Variants in ERO1A observed in about 807,000 individuals in gnomAD.
ERO1A encodes the protein endoplasmic reticulum oxidoreductase 1 alpha.
ERO1A carries 49 observed loss-of-function variants against 76.9 expected under a neutral mutation model. That is an observed-to-expected ratio of 0.64 (90% CI 0.51 to 0.81). The LOEUF is 0.81. Among genes scored for constraint, ERO1A ranks in the 30% least tolerant of loss-of-function variants. The probability of loss-of-function intolerance (pLI) is 0.00; values close to 1 mark genes in which losing one functional copy is unlikely to be tolerated. For synonymous variants in ERO1A, 174 were observed against 181.2 expected (o/e 0.96, Z 0.32); for missense variants, 448 against 542.1 (o/e 0.83, Z 1.72).
At chr14:52,684,118 GACACAC>G (rs60355765) in intron 1 of ERO1A, among the ~76,000 whole-genome samples, 12 of 134,638 alleles carry the variant, frequency 8.9e-5, no homozygotes, top group African/African-American at 2.7e-4. Flanking sequence ...CAGAGCTCAT[GACACAC>G]ACACACACAC....
chr14:52,681,277 C>G (rs1363894720), intron 3 of ERO1A, among the ~76,000 whole-genome samples: 1 of 152,136 alleles, frequency 6.6e-6, no homozygotes, highest in East Asian at 1.9e-4. Flanking sequence ...TATAGGCATA[C>G]AGTGGAATGT....
At chr14:52,671,940 G>T in intron 4 of ERO1A, 69 bp from the exon 5 acceptor site, 1 of 1,021,626 alleles carries the variant, frequency 9.8e-7, no homozygotes, top group Non-Finnish European at 1.5e-6. Context: ...AAATTTAGAA[G>T]TTATCTGAAG....
chr14:52,666,556 C>T, intron 6 of ERO1A, 61 bp from the exon 7 acceptor site: 1 of 1,418,766 alleles, frequency 7.0e-7, no homozygotes, highest in East Asian at 2.4e-5. Context: ...AAAGCTACTA[C>T]ACAAGACTGT....
intron 15 of ERO1A, among the ~76,000 whole-genome samples, chr14:52,645,168 T>A (rs2039604265): frequency 6.6e-6 from 1 of 152,046 alleles, no homozygotes; most frequent in African/African-American, 2.4e-5. Context: ...ACAACATGAT[T>A]TTTCTACCAC....
Position 52,661,200 on chromosome 14 carries a change from T to C in ERO1A, c.688+93A>G, listed in dbSNP as rs1295714598. The C allele has an allele frequency of 2.9e-5, 13 of 451,462 alleles. No individual in the cohort carries two copies. In the East Asian group the frequency reaches 4.2e-4, roughly 15 times the overall value. 28.0% of individuals were successfully genotyped at this position (451,462 alleles called of 1,614,324 possible). On this transcript the variant is annotated intron_variant, in intron 9 of 15. Coordinates refer to ENST00000395686, the MANE Select transcript of ERO1A (RefSeq NM_014584.3). ...GTAAAACTTAAGTTCTTCTGATTTT[T>C]AGAGGTGAGAAGAAAAAAATAAACT...
rs1450358604 is a variant in ERO1A at position 52,639,986 on chromosome 14, A to G, written c.*3584T>C. On this transcript the variant is annotated 3_prime_UTR_variant, in exon 16 of 16. Coordinates refer to ENST00000395686, the MANE Select transcript of ERO1A (RefSeq NM_014584.3). The stretch of plus-strand genomic sequence containing the variant: ...TTGGGACTCTACTGACCCTTGCTGT[A>G]AAGTGAAGGGAGTGAAAGTATTTGG... 6.6e-6 allele frequency: 1 copy of G among 152,216 alleles called. No homozygotes were observed. The highest frequency in any genetic ancestry group is 1.9e-4 in the East Asian group (1 of 5,200). The allele number at this position is 152,216 out of a possible 1,614,324, so 9.4% of individuals were successfully genotyped here.
chr14:52,658,915 T>C (rs1005709848), intron 9 of ERO1A, among the ~76,000 whole-genome samples: 1 of 152,186 alleles, frequency 6.6e-6, no homozygotes, highest in African/African-American at 2.4e-5. Flanking sequence ...GCTACAGAGA[T>C]GATAAACACT....
intron 10 of ERO1A, 31 bp downstream of exon 10, chr14:52,658,093 C>T (rs959555429): frequency 7.3e-6 from 11 of 1,500,442 alleles, no homozygotes; most frequent in Admixed American, 5.6e-5. Context: ...AAAAAACCAT[C>T]ATTGAAATTT....
At chr14:52,694,057 C>T (rs183182430) in intron 1 of ERO1A, among the ~76,000 whole-genome samples, 142 of 152,238 alleles carry the variant, frequency 9.3e-4, no homozygotes, top group Admixed American at 3.5e-3. Flanking sequence ...TCAACATGTA[C>T]TTTTATTCCA....
rs2039899044 is a variant in ERO1A at position 52,652,324 on chromosome 14, G to C, written c.1056-16C>G. Reference sequence around the variant, plus strand: ...AGGAAATGACCTGCGTTTTAAAACAGAGAATATTCATTTTCATGTGTTATA... The same window carrying C: ...AGGAAATGACCTGCGTTTTAAAACACAGAATATTCATTTTCATGTGTTATA... On this transcript the variant is annotated splice_polypyrimidine_tract_variant and intron_variant, in intron 12 of 15. Coordinates refer to ENST00000395686, the MANE Select transcript of ERO1A (RefSeq NM_014584.3). 1 of 1,554,650 alleles carries C rather than the reference G, an allele frequency of 6.4e-7. No individual in the cohort carries two copies. Among genetic ancestry groups the C allele is most frequent in the African/African-American group, 1.4e-5 (1 of 73,694 alleles).
chr14:52,651,794 T>C (rs529094179), intron 13 of ERO1A, among the ~76,000 whole-genome samples: 1 of 152,266 alleles, frequency 6.6e-6, no homozygotes, highest in South Asian at 2.1e-4. Flanking sequence ...ATTTTTTGTA[T>C]AGTGGAAACC....
intron 1 of ERO1A, among the ~76,000 whole-genome samples, chr14:52,691,961 T>C (rs1220333744): frequency 6.6e-6 from 1 of 152,198 alleles, no homozygotes; most frequent in East Asian, 1.9e-4. Context: ...ACTTACAACA[T>C]ACAGTGAAAA....
chr14:52,679,071 C>CT (rs1337113517), intron 3 of ERO1A, among the ~76,000 whole-genome samples: 1 of 152,176 alleles, frequency 6.6e-6, no homozygotes, highest in Non-Finnish European at 1.5e-5. Flanking sequence ...GATATGACAG[C>CT]TCCCTTTTTG....
chr14:52,680,479 G>T (rs909420781), intron 3 of ERO1A, among the ~76,000 whole-genome samples: 4 of 152,110 alleles, frequency 2.6e-5, no homozygotes, highest in African/African-American at 9.7e-5. Context: ...GGTATCTCAA[G>T]ATGAGATTTG....
At chr14:52,680,412 C>G (rs1490819332) in intron 3 of ERO1A, among the ~76,000 whole-genome samples, 2 of 150,672 alleles carry the variant, frequency 1.3e-5, no homozygotes, top group Non-Finnish European at 3.0e-5. Flanking sequence ...CTCCAATCTT[C>G]TTTTCCAAAT....
At position 52,640,973 on chromosome 14, in the gene ERO1A, G is replaced by A. The variant is rs570441389; in HGVS notation, c.*2597C>T. On this transcript the variant is annotated 3_prime_UTR_variant, in exon 16 of 16. Coordinates refer to ENST00000395686, the MANE Select transcript of ERO1A (RefSeq NM_014584.3). ...TTAAAATTACCCAAGCGTGAGAAGT[G>A]GTGTTGTGATTAAGAGAGAAAAAAA... 6.6e-6 allele frequency: 1 copy of A among 151,928 alleles called. No homozygotes were observed. Among genetic ancestry groups the A allele is most frequent in the Admixed American group, 6.6e-5 (1 of 15,256 alleles). The allele number at this position is 151,928 out of a possible 1,614,324, so 9.4% of individuals were successfully genotyped here. A position where few individuals can be genotyped will look rare whatever the true frequency, so the allele number is the denominator to read the frequency against.
At chr14:52,683,258 A>G (rs2041061328) in intron 2 of ERO1A, among the ~76,000 whole-genome samples, 1 of 152,046 alleles carries the variant, frequency 6.6e-6, no homozygotes, top group Non-Finnish European at 1.5e-5. Flanking sequence ...AACAGATGGC[A>G]ACTAGGAGCC....
chr14:52,644,522 T>C (rs2039578898), intron 15 of ERO1A, among the ~76,000 whole-genome samples: 1 of 152,226 alleles, frequency 6.6e-6, no homozygotes, highest in African/African-American at 2.4e-5. Context: ...ATATAGTATT[T>C]GGTATAAAAT....
Position 52,642,495 on chromosome 14 carries a change from G to GTAT in ERO1A, c.*1072_*1074dup. On this transcript the variant is annotated 3_prime_UTR_variant, in exon 16 of 16. Transcript: ENST00000395686. Reference sequence around the variant, plus strand: ...AGTATTATTTATTCTAAGGCTTACAGTATTATAGTTCCAGAATTGTGGGAG... The same window carrying GTAT: ...AGTATTATTTATTCTAAGGCTTACAGTATTATTATAGTTCCAGAATTGTGGGAG... 6.6e-6 allele frequency: 1 copy of GTAT among 152,198 alleles called. No individual in the cohort carries two copies. Among genetic ancestry groups the GTAT allele is most frequent in the East Asian group, 1.9e-4 (1 of 5,184 alleles). 9.4% of individuals were successfully genotyped at this position (152,198 alleles called of 1,614,324 possible).
Sources: gnomAD v4.1 joint callset for allele counts (sites outside exome capture counted in the v4.1 genomes callset) on GRCh38, gnomAD v4.1.1 for gene constraint, MANE v1.5 for transcripts, NCBI Gene and HGNC (gene_info 2026-07-23, HGNC 2026-07-21) for gene names.